The following SNX2 variants were observed in gnomAD, a reference collection of about 807,000 sequenced individuals.
SNX2 encodes the protein sorting nexin-2.
Under a neutral mutation model 69.9 loss-of-function variants are expected in SNX2, and 25 were observed. That is an observed-to-expected ratio of 0.36 (90% CI 0.26 to 0.50). The LOEUF is 0.50. Among genes scored for constraint, SNX2 ranks in the 20% least tolerant of loss-of-function variants. The pLI is 0.97. For missense variants in SNX2, 551 were observed against 613.3 expected (o/e 0.90, Z 1.07); for synonymous variants, 229 against 200.4 (o/e 1.14, Z -1.20).
intron 6 of SNX2, among the ~76,000 whole-genome samples, chr5:122,807,664 C>T (rs1021313998): frequency 9.2e-5 from 14 of 152,048 alleles, no homozygotes; most frequent in African/African-American, 2.9e-4. Context: ...ATTAAATTGC[C>T]CTTACAGAAG....
At chr5:122,826,660 C>A (rs1581649177) in intron 12 of SNX2, 1 of 972,368 alleles carries the variant, frequency 1.0e-6, no homozygotes, top group Non-Finnish European at 1.2e-6. Context: ...GTAGGACAAC[C>A]TTTATGTTAC....
rs139296902 is a variant in SNX2 at position 122,790,267 on chromosome 5, C to T, written c.109-4999C>T. On this transcript the variant is annotated intron_variant, in intron 1 of 14. Coordinates refer to ENST00000379516, the MANE Select transcript of SNX2 (RefSeq NM_003100.4). ...CCAAGTAGCTGGGACTACAGGTATG[C>T]GCCACTATGCCTGGCTAATTTTTTT... is the stretch of plus-strand genomic sequence containing the variant. 1.3e-3 allele frequency among the ~76,000 whole-genome samples: 198 copies of T among 152,240 alleles called. 1 individual carries two copies. Among genetic ancestry groups the T allele is most frequent in the African/African-American group, 4.1e-3 (171 of 41,554 alleles).
rs753855706 is a variant in SNX2 at position 122,803,538 on chromosome 5, T to G, written c.568T>G (p.Leu190Val). The change falls in exon 6 of 15, where the codon TTG (leucine) becomes GTG (valine). Residue 190 changes from leucine to valine, a missense_variant. Around this residue, in one of 2 missense-constraint regions of SNX2, gnomAD observed 360 missense variants for 450.4 expected, o/e 0.80. Coordinates refer to ENST00000379516, the MANE Select transcript of SNX2 (RefSeq NM_003100.4). ...VKRRFSDFLGLHSKLASKYLH... is the reference protein window; with the variant it reads ...VKRRFSDFLGVHSKLASKYLH... ...AAGAAGATTCAGCGACTTTCTTGGT[T>G]TGCACAGCAAATTAGCAAGCAAATA... is the stretch of plus-strand genomic sequence containing the variant. The G allele has an allele frequency of 5.0e-6, 8 of 1,612,808 alleles. No individual in the cohort carries two copies. The highest frequency in any genetic ancestry group is 5.9e-6 in the Non-Finnish European group (7 of 1,179,582).
chr5:122,786,392 C>T (rs1191717410), intron 1 of SNX2, among the ~76,000 whole-genome samples: 1 of 151,830 alleles, frequency 6.6e-6, no homozygotes, highest in Non-Finnish European at 1.5e-5. Context: ...TACTGTTTTT[C>T]TCTTCAGTTT....
In SNX2 at chr5:122,818,845, C is replaced by G; in HGVS notation, c.1034C>G (p.Ala345Gly). Reference protein sequence around the residue: ...KELSANTAAFAKSAAMLGNSE... With the variant: ...KELSANTAAFGKSAAMLGNSE... ...CTTTCAGCCAACACAGCTGCCTTTG[C>G]TAAAAGTGCTGCCATGTTAGGTAAT... The change falls in exon 11 of 15, where the codon GCT (alanine) becomes GGT (glycine). Residue 345 changes from alanine to glycine, a missense_variant. By Grantham distance (60) the Ala-to-Gly change is moderately conservative (BLOSUM62 0). Coordinates refer to ENST00000379516, the MANE Select transcript of SNX2 (RefSeq NM_003100.4). The G allele has an allele frequency of 6.2e-7, 1 of 1,613,680 alleles. No homozygotes were observed. Among genetic ancestry groups the G allele is most frequent in the Non-Finnish European group, 8.5e-7 (1 of 1,179,754 alleles).
intron 7 of SNX2, among the ~76,000 whole-genome samples, chr5:122,813,187 C>A (rs1490971229): frequency 2.6e-5 from 4 of 152,026 alleles, no homozygotes. Context: ...ACAACCATCT[C>A]TGGTCTTAAT....
At chr5:122,795,494 T>A in intron 2 of SNX2, 111 bp downstream of exon 2, 1 of 705,124 alleles carries the variant, frequency 1.4e-6, no homozygotes, top group Non-Finnish European at 2.4e-6. Context: ...TAGTGGCAGC[T>A]CTTGTAACAA....
intron 14 of SNX2, 67 bp from the exon 15 acceptor site, chr5:122,829,531 C>A: frequency 7.8e-7 from 1 of 1,277,678 alleles, no homozygotes; most frequent in Non-Finnish European, 1.1e-6. Flanking sequence ...TAATGCTGTA[C>A]AGGATATATG....
intron 12 of SNX2, 49 bp from the exon 13 acceptor site, chr5:122,827,330 C>G: frequency 6.7e-7 from 1 of 1,484,708 alleles, no homozygotes; most frequent in Non-Finnish European, 9.4e-7. Flanking sequence ...CTTGACAGTA[C>G]TATACTTTTT....
chr5:122,806,105 T>TGC (rs1753637820), intron 6 of SNX2, among the ~76,000 whole-genome samples: 1 of 83,426 alleles, frequency 1.2e-5, no homozygotes, highest in African/African-American at 4.0e-5. Context: ...TGTGTGTGTG[T>TGC]GTGTGTGCGT....
intron 8 of SNX2, 33 bp downstream of exon 8, chr5:122,816,004 ATGTT>A (rs1753893686): frequency 2.5e-6 from 3 of 1,206,480 alleles, no homozygotes; most frequent in African/African-American, 3.0e-5. Flanking sequence ...TTGTATATGA[ATGTT>A]CTCGTTATTT....
At chr5:122,814,989 T>C (rs1473115273) in intron 7 of SNX2, among the ~76,000 whole-genome samples, 21 of 152,188 alleles carry the variant, frequency 1.4e-4, no homozygotes, top group Admixed American at 1.4e-3. Flanking sequence ...GACCTCGTGA[T>C]CCACCCGCCT....
rs1471182888 is a variant in SNX2, at chr5:122,832,403, A to G, written c.*2755A>G. 3 of 152,216 alleles carry G rather than the reference A, an allele frequency of 2.0e-5. No homozygotes were observed. The highest frequency in any genetic ancestry group is 4.8e-5 in the African/African-American group (2 of 41,464). 9.4% of individuals were successfully genotyped at this position (152,216 alleles called of 1,614,324 possible). ...CTTCTATTAAGTAAAACAAGACAAA[A>G]TGTGTGTAAAAATATGCCTAACACA... On this transcript the variant is annotated 3_prime_UTR_variant, in exon 15 of 15. Coordinates refer to ENST00000379516, the MANE Select transcript of SNX2 (RefSeq NM_003100.4).
In SNX2 at chr5:122,817,055, A is replaced by G. The variant is rs113595830; in HGVS notation, c.912+27A>G. On this transcript the variant is annotated intron_variant, in intron 9 of 14. Coordinates refer to ENST00000379516, the MANE Select transcript of SNX2 (RefSeq NM_003100.4). ...TAAGAGCTGATTTTTCGGCTTGAAT[A>G]ATGAGATGAATTAATGAGCCCAACA... 42 of 1,475,048 alleles carry G rather than the reference A, an allele frequency of 2.8e-5. 1 individual carries two copies. The highest frequency in any genetic ancestry group is 2.8e-4 in the African/African-American group (20 of 72,400). The allele number at this position is 1,475,048 out of a possible 1,614,324, so 91.4% of individuals were successfully genotyped here. A position where few individuals can be genotyped will look rare whatever the true frequency, so the allele number is the denominator to read the frequency against.
At position 122,821,494 on chromosome 5, in the gene SNX2, C is replaced by T. The variant is rs146561862; in HGVS notation, c.1212+2471C>T. 8.1e-3 allele frequency among the ~76,000 whole-genome samples: 1,219 copies of T among 150,054 alleles called. 5 individuals are homozygous for T. The highest frequency in any genetic ancestry group is 0.012 in the Non-Finnish European group (815 of 67,794). ...TTTCGCAGACGGAGACTCGCTCTGT[C>T]GCCCAGGCTGGAGTGCAGTGGCGTG... On this transcript the variant is annotated intron_variant, in intron 11 of 14. Coordinates refer to ENST00000379516, the MANE Select transcript of SNX2 (RefSeq NM_003100.4).
At chr5:122,796,647 C>T (rs1325685083) in intron 2 of SNX2, among the ~76,000 whole-genome samples, 1 of 152,176 alleles carries the variant, frequency 6.6e-6, no homozygotes, top group Non-Finnish European at 1.5e-5. Context: ...TCTTTCTCTA[C>T]TTAACAAGTA....
chr5:122,814,668 TAAAA>T (rs1411169395), intron 7 of SNX2, among the ~76,000 whole-genome samples: 1 of 152,096 alleles, frequency 6.6e-6, no homozygotes, highest in Non-Finnish European at 1.5e-5. Flanking sequence ...TCTAAAGAAA[TAAAA>T]TAAATATGTT....
At position 122,830,456 on chromosome 5, in the gene SNX2, C is replaced by T. The variant is rs541967284; in HGVS notation, c.*808C>T. ...TGGATTTTGTTCATCTTCTCGTTAT[C>T]TTCAGAATCTCGTACTTTGCATATA... On this transcript the variant is annotated 3_prime_UTR_variant, in exon 15 of 15. Coordinates refer to ENST00000379516, the MANE Select transcript of SNX2 (RefSeq NM_003100.4). Among the ~76,000 whole-genome samples the T allele has an allele frequency of 1.3e-5, 2 of 152,260 alleles. No homozygotes were observed. The highest frequency in any genetic ancestry group is 4.1e-4 in the South Asian group (2 of 4,826).
At chr5:122,799,625 C>A in intron 2 of SNX2, 67 bp from the exon 3 acceptor site, 1 of 977,200 alleles carries the variant, frequency 1.0e-6, no homozygotes, top group Non-Finnish European at 1.5e-6. Flanking sequence ...AATCCATTAA[C>A]TGCTATGTAG....
Sources: allele counts gnomAD v4.1 joint callset (sites outside exome capture counted in the v4.1 genomes callset), GRCh38; gene constraint gnomAD v4.1.1; regional missense constraint gnomAD v4.1.1; transcripts MANE v1.5; gene names NCBI Gene and HGNC (gene_info 2026-07-23, HGNC 2026-07-21).